PMFBP1: variants seen among roughly 807,000 people sequenced by gnomAD.
PMFBP1 encodes polyamine-modulated factor 1-binding protein 1.
Under a neutral mutation model 137.8 loss-of-function variants are expected in PMFBP1, and 131 were observed. The observed-to-expected ratio is 0.95, with a 90% confidence interval of 0.82 to 1.10. PMFBP1 has a LOEUF of 1.10. Ranked by LOEUF, PMFBP1 falls within the 50% of genes least tolerant of loss-of-function variation. PMFBP1 has a pLI of 0.00. For synonymous variants in PMFBP1, 490 were observed against 450.4 expected, an observed-to-expected ratio of 1.09 and a Z score of -1.11; for missense variants, 1,199 against 1,175.4, an observed-to-expected ratio of 1.02 and a Z score of -0.29.
At position 72,125,284 on chromosome 16, in the gene PMFBP1, G is replaced by T. The variant is rs190053414; in HGVS notation, c.2375C>A (p.Thr792Lys). 92 of 1,614,080 alleles carry T rather than the reference G, an allele frequency of 5.7e-5. No homozygotes were observed. Among genetic ancestry groups the T allele is most frequent in the Non-Finnish European group, 7.5e-5 (88 of 1,180,012 alleles). ...GAAGCCCCGCAGTTTTCTTAATTCC[G>T]TATTGAGCTTTTTCATCCTTTCCTC... Reference protein sequence around the residue: ...AYEERMKKLNTELRKLRGFHQ... With the variant: ...AYEERMKKLNKELRKLRGFHQ... Residue 792 changes from threonine (T) to lysine (K), a missense_variant, in exon 16 of 21, where the codon ACG becomes AAG. By Grantham distance (78) the Thr-to-Lys change is moderately conservative. Transcript: ENST00000237353.
the PMFBP1 span, among the ~76,000 whole-genome samples, chr16:72,216,874 G>A: frequency 6.6e-6 from 1 of 152,114 alleles, no homozygotes; most frequent in South Asian, 2.1e-4. Flanking sequence ...AGCTTGCTTC[G>A]CTGCAGTATA....
chr16:72,226,093 G>C, the PMFBP1 span, among the ~76,000 whole-genome samples: 3 of 152,040 alleles, frequency 2.0e-5, no homozygotes, highest in Non-Finnish European at 2.9e-5. Context: ...CCCAGCTGAA[G>C]ACTATACCCT....
chr16:72,184,198 C>T, the PMFBP1 span, among the ~76,000 whole-genome samples: 1 of 152,166 alleles, frequency 6.6e-6, no homozygotes, highest in Non-Finnish European at 1.5e-5. Context: ...CCTCCCCATT[C>T]TCACTCTACA....
At chr16:72,229,590 C>G in the PMFBP1 span, among the ~76,000 whole-genome samples, 1 of 151,938 alleles carries the variant, frequency 6.6e-6, no homozygotes, top group African/African-American at 2.4e-5. Context: ...TTAGATTTGC[C>G]TTTCTCTAAT....
the PMFBP1 span, among the ~76,000 whole-genome samples, chr16:72,219,970 T>C: frequency 3.9e-5 from 6 of 152,156 alleles, no homozygotes; most frequent in South Asian, 2.1e-4. Context: ...AGGGGACTTG[T>C]GGAGAAATTA....
chr16:72,140,349 C>T, intron 6 of PMFBP1, 63 bp downstream of exon 6: 13 of 1,484,676 alleles, frequency 8.8e-6, no homozygotes, highest in Non-Finnish European at 1.2e-5. Context: ...TTTTCCCCTC[C>T]TTTCTCTCCC....
At chr16:72,175,329 G>C (rs750370030), upstream of PMFBP1, among the ~76,000 whole-genome samples, 128 of 152,296 alleles carry the variant, frequency 8.4e-4, no homozygotes, top group Non-Finnish European at 1.4e-3. Context: ...GGAAGGAAAA[G>C]GGGCATAAGT....
the PMFBP1 span, among the ~76,000 whole-genome samples, chr16:72,231,963 T>C: frequency 6.6e-6 from 1 of 152,192 alleles, no homozygotes; most frequent in Admixed American, 6.5e-5. Context: ...GATGGAAACA[T>C]TTTGGCTATT....
At chr16:72,188,669 G>A in the PMFBP1 span, among the ~76,000 whole-genome samples, 4 of 152,148 alleles carry the variant, frequency 2.6e-5, no homozygotes, top group African/African-American at 7.2e-5. Context: ...GGATTAATTG[G>A]GCTTGGCATG....
chr16:72,119,414 C>T, intron 20 of PMFBP1, 60 bp from the exon 21 acceptor site: 1 of 1,613,854 alleles, frequency 6.2e-7, no homozygotes, highest in Non-Finnish European at 8.5e-7. Flanking sequence ...GAGGTGATTC[C>T]TCAAGGGCTG....
chr16:72,175,836 G>T (rs1305299624), upstream of PMFBP1, among the ~76,000 whole-genome samples: 2 of 152,118 alleles, frequency 1.3e-5, no homozygotes, highest in African/African-American at 4.8e-5. Context: ...GGGAGCTAAA[G>T]GTTTTCTCTA....
chr16:72,226,431 G>A, the PMFBP1 span, among the ~76,000 whole-genome samples: 5 of 152,070 alleles, frequency 3.3e-5, no homozygotes, highest in Non-Finnish European at 2.9e-5. Flanking sequence ...AAGCATTTCC[G>A]GGGTTAATTT....
chr16:72,206,324 A>T, the PMFBP1 span, among the ~76,000 whole-genome samples: 13 of 152,152 alleles, frequency 8.5e-5, no homozygotes, highest in African/African-American at 3.1e-4. Flanking sequence ...TCTGGTCAGG[A>T]GCCTCTGTGA....
At chr16:72,149,905 A>G (rs1049470341) in intron 5 of PMFBP1, among the ~76,000 whole-genome samples, 1 of 152,204 alleles carries the variant, frequency 6.6e-6, no homozygotes, top group African/African-American at 2.4e-5. Context: ...AAGCCCCGAG[A>G]GGATTCTCAA....
chr16:72,182,788 G>T, the PMFBP1 span, among the ~76,000 whole-genome samples: 1 of 152,162 alleles, frequency 6.6e-6, no homozygotes. Flanking sequence ...ATATGTAACA[G>T]TCCTGTTGGT....
At chr16:72,140,696 T>A in intron 5 of PMFBP1, 114 bp from the exon 6 acceptor site, 1 of 973,566 alleles carries the variant, frequency 1.0e-6, no homozygotes, top group East Asian at 2.4e-5. Context: ...TGTTCATATA[T>A]GGAAATCATG....
intron 5 of PMFBP1, among the ~76,000 whole-genome samples, chr16:72,147,374 C>A (rs1358152881): frequency 6.6e-6 from 1 of 152,192 alleles, no homozygotes; most frequent in Non-Finnish European, 1.5e-5. Flanking sequence ...AAAATTAACT[C>A]AAGATGGATT....
intron 5 of PMFBP1, among the ~76,000 whole-genome samples, chr16:72,142,248 A>G (rs1196144358): frequency 6.6e-6 from 1 of 152,188 alleles, no homozygotes; most frequent in African/African-American, 2.4e-5. Flanking sequence ...AACAAAACAG[A>G]AAAGCTAACA....
At chr16:72,155,061 C>A (rs1418983497) in intron 3 of PMFBP1, among the ~76,000 whole-genome samples, 2 of 151,958 alleles carry the variant, frequency 1.3e-5, no homozygotes, top group Admixed American at 1.3e-4. Context: ...GGTGTGATCT[C>A]TTCTTGCTAA....
Sources: gnomAD v4.1 joint callset for allele counts (sites outside exome capture counted in the v4.1 genomes callset) on GRCh38, gnomAD v4.1.1 for gene constraint, MANE v1.5 for transcripts, NCBI Gene and HGNC (gene_info 2026-07-23, HGNC 2026-07-21) for gene names.